The following SEPTIN7 variants were observed in gnomAD, a reference collection of about 807,000 sequenced individuals.
SEPTIN7 encodes the protein septin 7.
A neutral mutation model predicts 63.3 loss-of-function variants in SEPTIN7; 10 were observed. That is an observed-to-expected ratio of 0.16 (90% CI 0.10 to 0.27). The LOEUF (loss-of-function observed/expected upper bound fraction) is 0.27, where lower values mean the gene tolerates loss of function less well. Among genes scored for constraint, SEPTIN7 ranks in the 10% least tolerant of loss-of-function variants. The probability of loss-of-function intolerance (pLI) is 1.00; values close to 1 mark genes in which losing one functional copy is unlikely to be tolerated. For missense variants in SEPTIN7, 310 were observed against 521.0 expected (o/e 0.59, Z 3.94); for synonymous variants, 131 against 165.3 (o/e 0.79, Z 1.59).
Position 35,904,392 on chromosome 7 carries a change from C to A in SEPTIN7, c.*99C>A. 2 of 942,784 alleles carry A rather than the reference C, an allele frequency of 2.1e-6. No homozygotes were observed. The highest frequency in any genetic ancestry group is 1.7e-5 in the African/African-American group (1 of 58,138). The allele number at this position is 942,784 out of a possible 1,614,324, so 58.4% of individuals were successfully genotyped here. A position where few individuals can be genotyped will look rare whatever the true frequency, so the allele number is the denominator to read the frequency against. ...TTTGACCAATTTGCACCAGTTTTAT[C>A]CATAATGATGGATTTAACAGCATGA... On this transcript the variant is annotated 3_prime_UTR_variant, in exon 14 of 14. Transcript: ENST00000350320.
intron 1 of SEPTIN7, among the ~76,000 whole-genome samples, chr7:35,811,867 C>T (rs1030952327): frequency 6.6e-6 from 1 of 152,060 alleles, no homozygotes; most frequent in Non-Finnish European, 1.5e-5. Context: ...ACTAAAAATA[C>T]AAAAATTAGC....
chr7:35,876,403 C>T (rs938959350), intron 6 of SEPTIN7, among the ~76,000 whole-genome samples: 2 of 152,134 alleles, frequency 1.3e-5, no homozygotes, highest in East Asian at 3.9e-4. Flanking sequence ...AAGGTAGTGG[C>T]AGTTTAAATT....
Position 35,850,024 on chromosome 7 carries a change from C to G in SEPTIN7, c.170-13528C>G, listed in dbSNP as rs546741697. ...CTTAATTTTCTTTTTAGGGACAGGACAACATGAACATAAGAATTTCTTAAT... is the reference window on the plus strand; with the variant it reads ...CTTAATTTTCTTTTTAGGGACAGGAGAACATGAACATAAGAATTTCTTAAT... On this transcript the variant is annotated intron_variant, in intron 3 of 13. Coordinates refer to ENST00000350320, the MANE Select transcript of SEPTIN7 (RefSeq NM_001788.6). Among the ~76,000 whole-genome samples the G allele has an allele frequency of 2.6e-4, 39 of 152,258 alleles. 1 individual carries two copies. The highest frequency in any genetic ancestry group is 6.8e-3 in the Middle Eastern group (2 of 294).
At chr7:35,854,050 C>T (rs534018363) in intron 3 of SEPTIN7, among the ~76,000 whole-genome samples, 22 of 152,196 alleles carry the variant, frequency 1.4e-4, no homozygotes, top group East Asian at 7.7e-4. Flanking sequence ...TGAGTGCTGA[C>T]GTGATGCTCA....
intron 3 of SEPTIN7, among the ~76,000 whole-genome samples, chr7:35,858,839 C>T (rs541961154): frequency 3.9e-5 from 6 of 152,046 alleles, no homozygotes; most frequent in Non-Finnish European, 7.4e-5. Flanking sequence ...CGCCACCACA[C>T]CCAGCTAATT....
At chr7:35,801,758 A>G (rs916964002) in intron 1 of SEPTIN7, among the ~76,000 whole-genome samples, 10 of 151,432 alleles carry the variant, frequency 6.6e-5, no homozygotes, top group African/African-American at 2.4e-4. Context: ...CGCTCGGGCG[A>G]GGGTGCTGTG....
At chr7:35,914,344 G>A in the SEPTIN7 span, among the ~76,000 whole-genome samples, 1 of 152,158 alleles carries the variant, frequency 6.6e-6, no homozygotes, top group East Asian at 1.9e-4. Context: ...TATTATTTAG[G>A]TAAGATTAAC....
chr7:35,870,159 G>A (rs540945902), intron 4 of SEPTIN7, among the ~76,000 whole-genome samples: 1 of 152,226 alleles, frequency 6.6e-6, no homozygotes, highest in East Asian at 1.9e-4. Flanking sequence ...ATTTGACCGT[G>A]TATGGATACA....
At chr7:35,861,367 T>A (rs1785498757) in intron 3 of SEPTIN7, among the ~76,000 whole-genome samples, 1 of 152,174 alleles carries the variant, frequency 6.6e-6, no homozygotes, top group African/African-American at 2.4e-5. Context: ...CCTTGTGATG[T>A]TTTTTGAAAA....
chr7:35,884,399 T>G (rs1211196794), intron 9 of SEPTIN7, among the ~76,000 whole-genome samples: 1 of 152,140 alleles, frequency 6.6e-6, no homozygotes, highest in Non-Finnish European at 1.5e-5. Flanking sequence ...CCAAAAAAAT[T>G]CAAAACACTT....
At chr7:35,886,666 A>C (rs954701001) in intron 10 of SEPTIN7, among the ~76,000 whole-genome samples, 2 of 152,108 alleles carry the variant, frequency 1.3e-5, no homozygotes, top group Non-Finnish European at 2.9e-5. Flanking sequence ...TTTAACCTTC[A>C]GTTTTAGATG....
downstream of SEPTIN7, among the ~76,000 whole-genome samples, chr7:35,910,877 A>T (rs1448856141): frequency 6.6e-6 from 1 of 152,234 alleles, no homozygotes; most frequent in Non-Finnish European, 1.5e-5. Flanking sequence ...CGATAACAAA[A>T]AGTTGAGAAA....
chr7:35,806,082 A>G (rs1443113525), intron 1 of SEPTIN7, among the ~76,000 whole-genome samples: 1 of 152,204 alleles, frequency 6.6e-6, no homozygotes, highest in Non-Finnish European at 1.5e-5. Flanking sequence ...AAAAATGTCT[A>G]CAGACATTGC....
chr7:35,875,835 T>C (rs1389048142), intron 6 of SEPTIN7, among the ~76,000 whole-genome samples: 2 of 152,202 alleles, frequency 1.3e-5, no homozygotes, highest in Non-Finnish European at 2.9e-5. Flanking sequence ...TTCATTATGC[T>C]GTAGACTTTG....
chr7:35,805,964 TTGAG>T (rs1232553420), intron 1 of SEPTIN7, among the ~76,000 whole-genome samples: 2 of 152,184 alleles, frequency 1.3e-5, no homozygotes, highest in African/African-American at 4.8e-5. Context: ...TTGTAATTAT[TTGAG>T]GGAGGGGAGG....
At chr7:35,871,659 T>C (rs1307082495) in intron 4 of SEPTIN7, among the ~76,000 whole-genome samples, 2 of 152,206 alleles carry the variant, frequency 1.3e-5, no homozygotes, top group Non-Finnish European at 2.9e-5. Flanking sequence ...CTATAAAACA[T>C]GCCAAAAGGA....
chr7:35,911,143 G>GA (rs1323527080), downstream of SEPTIN7, among the ~76,000 whole-genome samples: 1 of 152,218 alleles, frequency 6.6e-6, no homozygotes, highest in Non-Finnish European at 1.5e-5. Context: ...AGCTGCCACA[G>GA]ATGGCAGAAG....
chr7:35,821,056 T>C (rs1209856436), intron 1 of SEPTIN7, among the ~76,000 whole-genome samples: 1 of 138,012 alleles, frequency 7.2e-6, no homozygotes, highest in East Asian at 2.2e-4. Context: ...AAGCATTCCA[T>C]GATTGTTCTG....
chr7:35,875,109 C>T (rs1341432475), intron 6 of SEPTIN7, among the ~76,000 whole-genome samples: 1 of 152,120 alleles, frequency 6.6e-6, no homozygotes, highest in Admixed American at 6.6e-5. Flanking sequence ...AGTCACATTC[C>T]TTCCATCCCC....
Sources: gnomAD v4.1 joint callset for allele counts (sites outside exome capture counted in the v4.1 genomes callset) on GRCh38, gnomAD v4.1.1 for gene constraint, MANE v1.5 for transcripts, NCBI Gene and HGNC (gene_info 2026-07-23, HGNC 2026-07-21) for gene names.